Variants in PHKG2 observed in about 807,000 individuals in gnomAD.
PHKG2 encodes phosphorylase b kinase gamma catalytic chain, liver/testis isoform.
A neutral mutation model predicts 44.5 loss-of-function variants in PHKG2; 28 were observed. The observed-to-expected ratio is 0.63, with a 90% CI of 0.47 to 0.86. The LOEUF is 0.86. Ranked by LOEUF, PHKG2 falls within the 40% of genes least tolerant of loss-of-function variation. The pLI is 0.00. For missense variants in PHKG2, 498 were observed against 547.5 expected (o/e 0.91, Z 0.90); for synonymous variants, 220 against 211.2 (o/e 1.04, Z -0.36).
intron 2 of PHKG2, among the ~76,000 whole-genome samples, chr16:30,750,466 G>A (rs1019005669): frequency 6.6e-6 from 1 of 152,190 alleles, no homozygotes; most frequent in African/African-American, 2.4e-5. Flanking sequence ...AATGTGTAGG[G>A]TCATATGGAG....
rs758301470 is a variant in PHKG2 at position 30,753,517 on chromosome 16, C to T, written c.516C>T (p.Phe172=). ...ATATGCAGATCCGACTTTCAGATTT[C>T]GGGTTCTCCTGCCACTTGGAACCTG... ...DDNMQIRLSD[F]GFSCHLEPGE... is the part of the protein sequence containing the mutation. Residue 172 remains phenylalanine, a synonymous_variant, in exon 6 of 10, where the codon TTC becomes TTT. Transcript: ENST00000563588. 3.6e-5 allele frequency: 58 copies of T among 1,613,990 alleles called. No homozygotes were observed. In the Middle Eastern group the frequency reaches 6.6e-4, roughly 18 times the overall value.
In PHKG2 at chr16:30,751,278, A is replaced by G. The variant is rs1157083366; in HGVS notation, c.268A>G (p.Ile90Val). 3 of 1,608,884 alleles carry G rather than the reference A, an allele frequency of 1.9e-6. No homozygotes were observed. Among genetic ancestry groups the G allele is most frequent in the Non-Finnish European group, 1.7e-6 (2 of 1,179,928 alleles). Reference sequence around the variant, plus strand: ...TCGCCAGGTCGCCGGCCACCCCCACATCAGTGAGGCTGTCTTCCTTGCTCC... The same window carrying G: ...TCGCCAGGTCGCCGGCCACCCCCACGTCAGTGAGGCTGTCTTCCTTGCTCC... ...ILRQVAGHPH[I>V]ITLIDSYESS... The change falls in exon 3 of 10, where the codon ATC (isoleucine) becomes GTC (valine). Residue 90 changes from isoleucine (I) to valine (V), a missense_variant. Physicochemically the swap from Ile to Val is conservative, Grantham distance 29. Transcript: ENST00000563588.
chr16:30,756,957 T>C lies in PHKG2; in HGVS notation c.1081T>C (p.Trp361Arg), dbSNP rs1357374137. The change falls in exon 10 of 10, where the codon TGG becomes CGG. Residue 361 changes from tryptophan (W) to arginine (R), a missense_variant. Trp to Arg is a moderately radical substitution (Grantham distance 101). Coordinates refer to ENST00000563588, the MANE Select transcript of PHKG2 (RefSeq NM_000294.3). ...CTGTGCCTTCCGGCTCTACGGGCAC[T>C]GGGTAAAGAAAGGGGAGCAGCAGAA... is the stretch of plus-strand genomic sequence containing the variant. ...DNCAFRLYGH[W>R]VKKGEQQNRA... The C allele has an allele frequency of 1.2e-6, 2 of 1,613,382 alleles. No individual in the cohort carries two copies. Among genetic ancestry groups the C allele is most frequent in the East Asian group, 2.2e-5 (1 of 44,880 alleles).
intron 2 of PHKG2, among the ~76,000 whole-genome samples, chr16:30,750,367 G>C (rs1055230631): frequency 3.3e-5 from 5 of 152,234 alleles, no homozygotes; most frequent in Admixed American, 2.6e-4. Flanking sequence ...GAGCATAACA[G>C]TAAGGCTCTG....
chr16:30,759,535 G>A lies in PHKG2; in HGVS notation c.*2438G>A. ...TTTGCCTCCAAAAGCCCAGCAACAG[G>A]AGCAAGGAGAGCCCACTGGGGTCTT... On this transcript the variant is annotated 3_prime_UTR_variant, in exon 10 of 10. Coordinates refer to ENST00000563588, the MANE Select transcript of PHKG2 (RefSeq NM_000294.3). The A allele has an allele frequency of 6.2e-7, 1 of 1,614,138 alleles. No individual in the cohort carries two copies.
chr16:30,759,720 G>A lies in PHKG2; in HGVS notation c.*2623G>A. 1 of 1,607,932 alleles carries A rather than the reference G, an allele frequency of 6.2e-7. No individual in the cohort carries two copies. The stretch of plus-strand genomic sequence containing the variant: ...AGCACTCCTCCACGTTGCCCAAGGG[G>A]GTTGCTGGTAGGGAAAGCAAGATGC... On this transcript the variant is annotated 3_prime_UTR_variant, in exon 10 of 10. Coordinates refer to ENST00000563588, the MANE Select transcript of PHKG2 (RefSeq NM_000294.3).
rs146729147 is a variant in PHKG2, at chr16:30,760,401, C to T, written c.*3304C>T. 27 of 1,614,054 alleles carry T rather than the reference C, an allele frequency of 1.7e-5. No individual in the cohort carries two copies. Among genetic ancestry groups the T allele is most frequent in the African/African-American group, 6.7e-5 (5 of 74,922 alleles). ...TGGCAGAAGAGGTCCAGGGTGATGG[C>T]GTCCCTCAGGCTCTGCTCAGGACAC... On this transcript the variant is annotated 3_prime_UTR_variant, in exon 10 of 10. Transcript: ENST00000563588.
rs1348471794 is a variant in PHKG2, at chr16:30,748,785, CCCT to C, written c.-18-9_-18-7del. On this transcript the variant is annotated splice_polypyrimidine_tract_variant and intron_variant, in intron 1 of 9. Transcript: ENST00000563588. Reference sequence around the variant, plus strand: ...CCTGTGGGCCTCCCTGCCCTCACTGCCCTCCTCCTCCGCGCAGGCCCCCGCCTC... The same window carrying C: ...CCTGTGGGCCTCCCTGCCCTCACTGCCCTCCTCCGCGCAGGCCCCCGCCTC... 9 of 1,493,660 alleles carry C rather than the reference CCCT, an allele frequency of 6.0e-6. No homozygotes were observed. Among genetic ancestry groups the C allele is most frequent in the African/African-American group, 1.4e-5 (1 of 71,812 alleles). The allele number at this position is 1,493,660 out of a possible 1,614,324, so 92.5% of individuals were successfully genotyped here. A position where few individuals can be genotyped will look rare whatever the true frequency, so the allele number is the denominator to read the frequency against.
At position 30,759,357 on chromosome 16, in the gene PHKG2, G is replaced by A. The variant is rs749778320; in HGVS notation, c.*2260G>A. 3.1e-6 allele frequency: 5 copies of A among 1,614,166 alleles called. No individual in the cohort carries two copies. Among genetic ancestry groups the A allele is most frequent in the South Asian group, 2.2e-5 (2 of 91,086 alleles). Reference sequence around the variant, plus strand: ...CACCCCCTACCTGGGGTGTGAAGACGTATTTATAGAGCTTGAAGTGGCGGA... The same window carrying A: ...CACCCCCTACCTGGGGTGTGAAGACATATTTATAGAGCTTGAAGTGGCGGA... On this transcript the variant is annotated 3_prime_UTR_variant, in exon 10 of 10. Transcript: ENST00000563588.
At position 30,757,126 on chromosome 16, in the gene PHKG2, C is replaced by T. The variant is rs1306782848; in HGVS notation, c.*29C>T. 6 of 1,611,152 alleles carry T rather than the reference C, an allele frequency of 3.7e-6. No individual in the cohort carries two copies. Among genetic ancestry groups the T allele is most frequent in the Non-Finnish European group, 5.1e-6 (6 of 1,179,904 alleles). Reference sequence around the variant, plus strand: ...CTCAACCCCAGGGATTCCCAGGAAGCAGAACTCTCCAGAAGAAGGGTTTTG... The same window carrying T: ...CTCAACCCCAGGGATTCCCAGGAAGTAGAACTCTCCAGAAGAAGGGTTTTG... On this transcript the variant is annotated 3_prime_UTR_variant, in exon 10 of 10. Transcript: ENST00000563588.
intron 4 of PHKG2, chr16:30,751,804 T>A: frequency 1.5e-6 from 1 of 666,256 alleles, no homozygotes. Context: ...TCTTTAATAG[T>A]GACTAGTGGC....
At position 30,760,275 on chromosome 16, in the gene PHKG2, C is replaced by G. The variant is rs754285539; in HGVS notation, c.*3178C>G. On this transcript the variant is annotated 3_prime_UTR_variant, in exon 10 of 10. Coordinates refer to ENST00000563588, the MANE Select transcript of PHKG2 (RefSeq NM_000294.3). The stretch of plus-strand genomic sequence containing the variant: ...CTGGGGCTCAAACCTGGTAGCTGCC[C>G]CCTCTCACCAATACAAGCCTTGTGA... 49 of 1,614,044 alleles carry G rather than the reference C, an allele frequency of 3.0e-5. No individual in the cohort carries two copies. Among genetic ancestry groups the G allele is most frequent in the Non-Finnish European group, 4.1e-5 (48 of 1,180,044 alleles).
At chr16:30,751,316 A>G in intron 3 of PHKG2, 35 bp downstream of exon 3, 1 of 1,599,234 alleles carries the variant, frequency 6.3e-7, no homozygotes, top group Non-Finnish European at 8.5e-7. Context: ...TTAGCAGACG[A>G]CCCCCCACCT....
In PHKG2 at chr16:30,756,933, T is replaced by A. The variant is rs772493213; in HGVS notation, c.1057T>A (p.Cys353Ser). ...LRSVRHLIDN[C>S]AFRLYGHWVK... Reference sequence around the variant, plus strand: ...GTCAGTGCGGCACCTCATCGACAACTGTGCCTTCCGGCTCTACGGGCACTG... The same window carrying A: ...GTCAGTGCGGCACCTCATCGACAACAGTGCCTTCCGGCTCTACGGGCACTG... The change falls in exon 10 of 10, where the codon TGT (cysteine) becomes AGT (serine). Residue 353 changes from cysteine (C) to serine (S), a missense_variant. Coordinates refer to ENST00000563588, the MANE Select transcript of PHKG2 (RefSeq NM_000294.3). The A allele has an allele frequency of 5.0e-6, 8 of 1,613,890 alleles. No individual in the cohort carries two copies. Among genetic ancestry groups the A allele is most frequent in the Non-Finnish European group, 6.8e-6 (8 of 1,180,020 alleles).
rs1417421170 is a variant in PHKG2, at chr16:30,758,007, G to C, written c.*910G>C. ...TGAGTTAATTTATGTAAAATGCTTA[G>C]AGCAGGGCATGCACTGCACACCTAT... On this transcript the variant is annotated 3_prime_UTR_variant, in exon 10 of 10. Transcript: ENST00000563588. The C allele has an allele frequency of 8.1e-6, 2 of 247,528 alleles. No homozygotes were observed. Among genetic ancestry groups the C allele is most frequent in the East Asian group, 2.4e-4 (2 of 8,288 alleles). 15.3% of individuals were successfully genotyped at this position (247,528 alleles called of 1,614,324 possible). A position where few individuals can be genotyped will look rare whatever the true frequency, so the allele number is the denominator to read the frequency against.
At chr16:30,749,540 T>C (rs2151306110) in intron 2 of PHKG2, among the ~76,000 whole-genome samples, 1 of 151,936 alleles carries the variant, frequency 6.6e-6, no homozygotes, top group Non-Finnish European at 1.5e-5. Flanking sequence ...AGGCGGGCGT[T>C]TCACCATATT....
chr16:30,757,154 C>A lies in PHKG2; in HGVS notation c.*57C>A. 6.5e-7 allele frequency: 1 copy of A among 1,547,336 alleles called. No individual in the cohort carries two copies. Among genetic ancestry groups the A allele is most frequent in the South Asian group, 1.1e-5 (1 of 88,240 alleles). On this transcript the variant is annotated 3_prime_UTR_variant, in exon 10 of 10. Coordinates refer to ENST00000563588, the MANE Select transcript of PHKG2 (RefSeq NM_000294.3). ...AACTCTCCAGAAGAAGGGTTTTGATCATTCCAGCTCCTCTGGGCTCTGGCC... is the reference window on the plus strand; with the variant it reads ...AACTCTCCAGAAGAAGGGTTTTGATAATTCCAGCTCCTCTGGGCTCTGGCC...
chr16:30,756,249 A>G lies in PHKG2; in HGVS notation c.624A>G (p.Pro208=). The change falls in exon 7 of 10, where the codon CCA becomes CCG. Residue 208 remains proline, a synonymous_variant. Coordinates refer to ENST00000563588, the MANE Select transcript of PHKG2 (RefSeq NM_000294.3). ...ILKCSMDETH[P]GYGKEVDLWA... ...AATGCTCCATGGATGAAACCCACCC[A>G]GGCTATGGCAAGGAGGTCGACCTGT... 1 of 1,614,096 alleles carries G rather than the reference A, an allele frequency of 6.2e-7. No homozygotes were observed.
At chr16:30,751,895 C>T in intron 4 of PHKG2, 1 of 406,074 alleles carries the variant, frequency 2.5e-6, no homozygotes, top group South Asian at 2.1e-5. Context: ...AGATCGAGAC[C>T]ATCCTGGCTA....
Sources: allele counts gnomAD v4.1 joint callset (sites outside exome capture counted in the v4.1 genomes callset), GRCh38; gene constraint gnomAD v4.1.1; transcripts MANE v1.5; gene names NCBI Gene and HGNC (gene_info 2026-07-23, HGNC 2026-07-21).